Variants in GMIP observed in about 807,000 individuals in gnomAD.
GMIP encodes the protein GEM-interacting protein.
In GMIP, 54 loss-of-function variants were observed where a neutral mutation model predicts 105.3. The ratio of observed to expected loss-of-function variants is 0.51; its 90% CI spans 0.41 to 0.64. The LOEUF (loss-of-function observed/expected upper bound fraction) is 0.64, where lower values mean the gene tolerates loss of function less well. GMIP is among the 30% of genes least tolerant of loss of function. The probability of loss-of-function intolerance (pLI) is 0.00; values close to 1 mark genes in which losing one functional copy is unlikely to be tolerated. For missense variants in GMIP, 1,110 were observed against 1,319.4 expected (o/e 0.84, Z 2.46); for synonymous variants, 541 against 560.8 (o/e 0.96, Z 0.50).
Position 19,630,883 on chromosome 19 carries a change from T to C in GMIP, c.2473-346A>G, listed in dbSNP as rs1245190951. On this transcript the variant is annotated intron_variant, in intron 19 of 20. Transcript: ENST00000203556. This position sits in a 1 kb window ranked among gnomAD's most constrained non-coding sequence, Gnocchi z 4.8. ...CTGTCATCCTTTGCAGTTTTGGTGT[T>C]TGGGGATAGACGATGCCCTTATAAG... Among the ~76,000 whole-genome samples, 1 of 152,120 alleles carries C rather than the reference T, an allele frequency of 6.6e-6. No homozygotes were observed. The highest frequency in any genetic ancestry group is 2.4e-5 in the African/African-American group (1 of 41,424).
chr19:19,641,446 G>A (rs1009411485), intron 4 of GMIP, among the ~76,000 whole-genome samples: 31 of 152,192 alleles, frequency 2.0e-4, no homozygotes, highest in African/African-American at 6.3e-4. Context: ...TGGCACAATC[G>A]TATCTCACTG....
intron 1 of GMIP, chr19:19,643,167 C>A (rs909691773): frequency 4.8e-5 from 15 of 315,726 alleles, no homozygotes; most frequent in Non-Finnish European, 8.2e-5. Context: ...CTCCCCAGGG[C>A]TACAGAGGGG....
In GMIP at chr19:19,643,587, C is replaced by T; in HGVS notation, c.-58G>A. ...GGATGGGGATGGGGTCGCGCGCCGG[C>T]GGGGCCGAGCCCCGATTTCCTGCCG... is the stretch of plus-strand genomic sequence containing the variant. On this transcript the variant is annotated 5_prime_UTR_variant, in exon 1 of 21. Coordinates refer to ENST00000203556, the MANE Select transcript of GMIP (RefSeq NM_016573.4). The T allele has an allele frequency of 2.1e-6, 3 of 1,456,600 alleles. No individual in the cohort carries two copies. Among genetic ancestry groups the T allele is most frequent in the East Asian group, 2.7e-5 (1 of 36,772 alleles). The allele number at this position is 1,456,600 out of a possible 1,614,324, so 90.2% of individuals were successfully genotyped here. A position where few individuals can be genotyped will look rare whatever the true frequency, so the allele number is the denominator to read the frequency against.
In GMIP at chr19:19,634,296, A is replaced by C. The variant is rs750991171; in HGVS notation, c.2085-106T>G. On this transcript the variant is annotated intron_variant, in intron 18 of 20. Transcript: ENST00000203556. The surrounding 1 kb of genome is among the most constrained non-coding windows in gnomAD (Gnocchi z 6.1). ...AGCCTAGAGGTGACTTGCCCATGTC[A>C]CAGGTGTAAGTCGTCTGAGACCAGC... is the stretch of plus-strand genomic sequence containing the variant. 2.5e-5 allele frequency: 31 copies of C among 1,264,712 alleles called. No homozygotes were observed. The highest frequency in any genetic ancestry group is 3.3e-5 in the Non-Finnish European group (31 of 930,134). The allele number at this position is 1,264,712 out of a possible 1,614,324, so 78.3% of individuals were successfully genotyped here. A position where few individuals can be genotyped will look rare whatever the true frequency, so the allele number is the denominator to read the frequency against.
Position 19,635,293 on chromosome 19 carries a change from G to A in GMIP, c.1561-80C>T. ...AAGGTTACAAGGATCCTCAAGGAAT[G>A]GGGGCTCATGGGAGACATCAGGTTA... is the stretch of plus-strand genomic sequence containing the variant. On this transcript the variant is annotated intron_variant, in intron 15 of 20. Transcript: ENST00000203556. This position sits in a 1 kb window ranked among gnomAD's most constrained non-coding sequence, Gnocchi z 4.7. 1 of 1,514,718 alleles carries A rather than the reference G, an allele frequency of 6.6e-7. No individual in the cohort carries two copies. The highest frequency in any genetic ancestry group is 9.1e-7 in the Non-Finnish European group (1 of 1,103,112). The allele number at this position is 1,514,718 out of a possible 1,614,324, so 93.8% of individuals were successfully genotyped here. A position where few individuals can be genotyped will look rare whatever the true frequency, so the allele number is the denominator to read the frequency against.
In GMIP at chr19:19,638,286, A is replaced by G. The variant is rs2061879335; in HGVS notation, c.662T>C (p.Val221Ala). 1 of 1,611,320 alleles carries G rather than the reference A, an allele frequency of 6.2e-7. No individual in the cohort carries two copies. Among genetic ancestry groups the G allele is most frequent in the African/African-American group, 1.3e-5 (1 of 74,936 alleles). Residue 221 changes from valine to alanine, a missense_variant, in exon 9 of 21, where the codon GTG becomes GCG. Physicochemically the swap from Val to Ala is moderately conservative, Grantham distance 64. Coordinates refer to ENST00000203556, the MANE Select transcript of GMIP (RefSeq NM_016573.4). The stretch of plus-strand genomic sequence containing the variant: ...TGCCCGCAGGTCCTCGCTGCGTTGC[A>G]CATACTGCAGCTGGGCGCGCCGCAG... The part of the protein sequence containing the change: ...QALRRAQLQY[V>A]QRSEDLRARS...
rs1013767302 is a variant in GMIP at position 19,642,744 on chromosome 19, G to A, written c.20-125C>T. On this transcript the variant is annotated intron_variant, in intron 1 of 20. Transcript: ENST00000203556. Reference sequence around the variant, plus strand: ...AGTGAGAGAGAGAAAGAGAGGGCTGGGGGGGGCTTGGTTGGGGCCAACTCG... The same window carrying A: ...AGTGAGAGAGAGAAAGAGAGGGCTGAGGGGGGCTTGGTTGGGGCCAACTCG... The A allele has an allele frequency of 7.1e-5, 37 of 523,546 alleles. No homozygotes were observed. In the Admixed American group the frequency reaches 1.0e-3, roughly 15 times the overall value. 32.4% of individuals were successfully genotyped at this position (523,546 alleles called of 1,614,324 possible). A position where few individuals can be genotyped will look rare whatever the true frequency, so the allele number is the denominator to read the frequency against.
Position 19,638,040 on chromosome 19 carries a change from C to A in GMIP, c.807G>T (p.Ala269=), listed in dbSNP as rs1437729758. 1.3e-6 allele frequency: 2 copies of A among 1,580,722 alleles called. No individual in the cohort carries two copies. The highest frequency in any genetic ancestry group is 2.3e-5 in the East Asian group (1 of 43,802). ...EAQAKAQEAE[A]LYQACVREAN... is the part of the protein sequence containing the mutation. ...CCTCGCGGACACAGGCCTGGTACAG[C>A]GCCTCGGCCTCCTGCGCCTGGGGAA... The change falls in exon 10 of 21, where the codon GCG becomes GCT. Residue 269 remains alanine (A), a synonymous_variant. Coordinates refer to ENST00000203556, the MANE Select transcript of GMIP (RefSeq NM_016573.4).
chr19:19,642,142 A>T, intron 2 of GMIP, 91 bp from the exon 3 acceptor site: 1 of 739,882 alleles, frequency 1.4e-6, no homozygotes, highest in Non-Finnish European at 2.3e-6. Context: ...TGTGGCAAAC[A>T]TCACCTCTGT....
At chr19:19,631,196 G>A (rs184671030) in intron 19 of GMIP, among the ~76,000 whole-genome samples, 3,330 of 151,448 alleles carry the variant, frequency 0.022, 133 homozygotes, top group African/African-American at 0.076. Flanking sequence ...ATGAGACTCC[G>A]TCTCAAAAAT....
In GMIP at chr19:19,634,131, C is replaced by T; in HGVS notation, c.2144G>A (p.Gly715Glu). ...GTCCGGCGGCCGCAGCAGTGTCGGC[C>T]CAAACACAATGCCCAGGTTGTTGGC... ...MSANNLGIVF[G>E]PTLLRPPDGP... The change falls in exon 19 of 21, where the codon GGG (glycine) becomes GAG (glutamate). Residue 715 changes from glycine (G) to glutamate (E), a missense_variant. Around this residue, in one of 3 missense-constraint regions of GMIP, gnomAD observed 394 missense variants for 450.5 expected, o/e 0.87. Transcript: ENST00000203556. The surrounding 1 kb of genome is among the most constrained non-coding windows in gnomAD (Gnocchi z 6.1). 1 of 1,611,688 alleles carries T rather than the reference C, an allele frequency of 6.2e-7. No homozygotes were observed. Among genetic ancestry groups the T allele is most frequent in the East Asian group, 2.2e-5 (1 of 44,830 alleles).
chr19:19,634,547 T>TA lies in GMIP; in HGVS notation c.2043dup (p.Asn682Ter), dbSNP rs975071509. 2 of 1,613,252 alleles carry TA rather than the reference T, an allele frequency of 1.2e-6. No individual in the cohort carries two copies. The highest frequency in any genetic ancestry group is 1.7e-6 in the Non-Finnish European group (2 of 1,179,790). On this transcript the variant is annotated frameshift_variant, in exon 18 of 21. Coordinates refer to ENST00000203556, the MANE Select transcript of GMIP (RefSeq NM_016573.4). LOFTEE classifies it high-confidence loss of function. This position sits in a 1 kb window ranked among gnomAD's most constrained non-coding sequence, Gnocchi z 6.1. ...ACCAGGTGCCGCAGGGTGTTGTAGT[T>TA]AGAGTCAGGCAGCTGTACCAAGAGG...
At chr19:19,639,173 C>T (rs2144865953) in intron 7 of GMIP, among the ~76,000 whole-genome samples, 1 of 152,022 alleles carries the variant, frequency 6.6e-6, no homozygotes, top group South Asian at 2.1e-4. Flanking sequence ...TGGCCTCAAG[C>T]AATCCTCCAC....
In GMIP at chr19:19,634,899, G is replaced by A. The variant is rs775065638; in HGVS notation, c.1780C>T (p.Arg594Cys). The change falls in exon 17 of 21, where the codon CGT (arginine) becomes TGT (cysteine). Residue 594 changes from arginine to cysteine, a missense_variant. Arg to Cys is a radical substitution (Grantham distance 180). Around this residue, in one of 3 missense-constraint regions of GMIP, gnomAD observed 49 missense variants for 95.6 expected, o/e 0.51. Transcript: ENST00000203556. The surrounding 1 kb of genome is among the most constrained non-coding windows in gnomAD (Gnocchi z 6.1). Reference protein sequence around the residue: ...GIYRVSGSRVRVERLCQAFEN... With the variant: ...GIYRVSGSRVCVERLCQAFEN... ...AAAGCCTGGCACAGCCGCTCCACAC[G>A]GACCCGGGACCCGCTGACCCGGTAA... is the stretch of plus-strand genomic sequence containing the variant. 3 of 1,614,046 alleles carry A rather than the reference G, an allele frequency of 1.9e-6. No individual in the cohort carries two copies. The highest frequency in any genetic ancestry group is 2.2e-5 in the South Asian group (2 of 91,084).
At position 19,638,102 on chromosome 19, in the gene GMIP, G is replaced by A. The variant is rs566008824; in HGVS notation, c.790-45C>T. On this transcript the variant is annotated intron_variant, in intron 9 of 20. Coordinates refer to ENST00000203556, the MANE Select transcript of GMIP (RefSeq NM_016573.4). ...GGAGCGGGGTGGGGCGCGTGTGGGCGAGAGTGGAGGGCAGGGGGCGCCACA... is the reference window on the plus strand; with the variant it reads ...GGAGCGGGGTGGGGCGCGTGTGGGCAAGAGTGGAGGGCAGGGGGCGCCACA... 5.7e-5 allele frequency: 88 copies of A among 1,550,846 alleles called. No homozygotes were observed. The African/African-American group carries it at 1.1e-3, about 19-fold the overall frequency.
In GMIP at chr19:19,635,067, C is replaced by T. The variant is rs752080986; in HGVS notation, c.1707G>A (p.Thr569=). The change falls in exon 16 of 21, where the codon ACG becomes ACA. Residue 569 remains threonine, a synonymous_variant. Transcript: ENST00000203556. The surrounding 1 kb of genome is among the most constrained non-coding windows in gnomAD (Gnocchi z 4.7). ...GGTGTTCTATCTCAGCCGTGCACTT[C>T]GTGACCACAAAGGGTACCTCCTCCG... ...DFPEEVPFVV[T]KCTAEIEHRA... is the part of the protein sequence containing the mutation. The T allele has an allele frequency of 1.1e-5, 17 of 1,613,944 alleles. No homozygotes were observed. Among genetic ancestry groups the T allele is most frequent in the African/African-American group, 2.7e-5 (2 of 74,922 alleles).
At chr19:19,638,353 C>A in intron 8 of GMIP, 24 bp from the exon 9 acceptor site, 1 of 1,614,096 alleles carries the variant, frequency 6.2e-7, no homozygotes, top group Non-Finnish European at 8.5e-7. Context: ...AGAAGGTCAG[C>A]GTCCCGGCCT....
intron 19 of GMIP, among the ~76,000 whole-genome samples, chr19:19,633,109 A>T (rs977062736): frequency 2.7e-4 from 40 of 147,014 alleles, no homozygotes; most frequent in Non-Finnish European, 4.9e-4. Context: ...TCCAGGCTGG[A>T]GTGCAGTGGC....
intron 1 of GMIP, 78 bp from the exon 2 acceptor site, chr19:19,642,697 G>A: frequency 1.5e-6 from 1 of 654,746 alleles, no homozygotes; most frequent in Non-Finnish European, 2.8e-6. Flanking sequence ...CTCATTTGGA[G>A]GGGGTGGAAG....
Sources: gnomAD v4.1 joint callset for allele counts (sites outside exome capture counted in the v4.1 genomes callset) on GRCh38, gnomAD v4.1.1 for gene constraint, gnomAD v4.1.1 regional missense constraint, Gnocchi (gnomAD v3.1) non-coding constraint, MANE v1.5 for transcripts, NCBI Gene and HGNC (gene_info 2026-07-23, HGNC 2026-07-21) for gene names.